The following PLEKHG7 variants were observed in gnomAD, a reference collection of about 807,000 sequenced individuals.
The protein encoded by PLEKHG7 is pleckstrin homology domain-containing family G member 7.
A neutral mutation model predicts 85.2 loss-of-function variants in PLEKHG7; 77 were observed. That is an observed-to-expected ratio of 0.90 (90% CI 0.75 to 1.09). The LOEUF is 1.09. PLEKHG7 is among the 50% of genes least tolerant of loss of function. The probability of loss-of-function intolerance (pLI) is 0.00; values close to 1 mark genes in which losing one functional copy is unlikely to be tolerated. For synonymous variants in PLEKHG7, 301 were observed against 302.4 expected (o/e 1.00, Z 0.05); for missense variants, 777 against 804.3 (o/e 0.97, Z 0.41).
At chr12:92,756,258 A>G (rs1056370474) in intron 12 of PLEKHG7, 40 bp from the exon 13 acceptor site, 4 of 1,447,794 alleles carry the variant, frequency 2.8e-6, no homozygotes, top group Admixed American at 3.4e-5. Context: ...TCTTCCAATC[A>G]CTAACAACAT....
At position 92,754,258 on chromosome 12, in the gene PLEKHG7, T is replaced by G; in HGVS notation, c.1420T>G (p.Ser474Ala). 6.2e-7 allele frequency: 1 copy of G among 1,613,624 alleles called. No individual in the cohort carries two copies. Among genetic ancestry groups the G allele is most frequent in the Non-Finnish European group, 8.5e-7 (1 of 1,179,772 alleles). Residue 474 changes from serine to alanine, a missense_variant, in exon 11 of 17, where the codon TCC becomes GCC. Around this residue, in one of 3 missense-constraint regions of PLEKHG7, gnomAD observed 520 missense variants for 544.0 expected, o/e 0.96. Transcript: ENST00000344636. ...CTCCATCAAGGAAAAGGTGGAAAAG[T>G]CCATCCGTAAGTCCCTGAGATAAGT... is the stretch of plus-strand genomic sequence containing the variant. ...IYSIKEKVEK[S>A]IRDLEGKVKW...
chr12:92,753,978 G>T, intron 10 of PLEKHG7, 112 bp from the exon 11 acceptor site: 5 of 1,051,968 alleles, frequency 4.8e-6, no homozygotes, highest in Non-Finnish European at 6.9e-6. Flanking sequence ...AAACTCACAA[G>T]TAGGTCCTGC....
intron 1 of PLEKHG7, among the ~76,000 whole-genome samples, chr12:92,705,926 C>T (rs1177309022): frequency 1.3e-5 from 2 of 152,148 alleles, no homozygotes; most frequent in African/African-American, 4.8e-5. Flanking sequence ...TCTTTTCAAA[C>T]CTGCAAGTCC....
chr12:92,725,758 A>C (rs1401529957), intron 3 of PLEKHG7, among the ~76,000 whole-genome samples: 3 of 152,232 alleles, frequency 2.0e-5, no homozygotes, highest in Admixed American at 2.0e-4. Context: ...TCTACTATTC[A>C]TAAGTAAAAC....
rs1022335352 is a variant in PLEKHG7 at position 92,706,800 on chromosome 12, C to T, written c.169C>T (p.Arg57Cys). Reference sequence around the variant, plus strand: ...GCCCACTTTGAGGAGATTAAGGACCCGTGGCTGTGGGACAAGGCAGGATGC... The same window carrying T: ...GCCCACTTTGAGGAGATTAAGGACCTGTGGCTGTGGGACAAGGCAGGATGC... The part of the protein sequence containing the change: ...TSPTLRRLRT[R>C]GCGTRQDAWQ... Residue 57 changes from arginine (R) to cysteine (C), a missense_variant, in exon 2 of 17, where the codon CGT becomes TGT. Arg to Cys is a radical substitution (Grantham distance 180). Around this residue, in one of 3 missense-constraint regions of PLEKHG7, gnomAD observed 252 missense variants for 241.9 expected, o/e 1.04. Coordinates refer to ENST00000344636, the MANE Select transcript of PLEKHG7 (RefSeq NM_001377329.1). The T allele has an allele frequency of 2.7e-5, 43 of 1,613,866 alleles. No individual in the cohort carries two copies. The highest frequency in any genetic ancestry group is 3.4e-5 in the Non-Finnish European group (40 of 1,180,042).
intron 3 of PLEKHG7, among the ~76,000 whole-genome samples, chr12:92,716,844 G>A (rs1356824127): frequency 6.6e-6 from 1 of 152,172 alleles, no homozygotes; most frequent in Non-Finnish European, 1.5e-5. Context: ...TGAACCTCTA[G>A]CATCCAGTAC....
intron 3 of PLEKHG7, among the ~76,000 whole-genome samples, chr12:92,709,873 T>G (rs1337189145): frequency 1.3e-5 from 2 of 152,148 alleles, no homozygotes; most frequent in African/African-American, 2.4e-5. Context: ...TGAAACCTCA[T>G]CTCTACTAAA....
intron 9 of PLEKHG7, among the ~76,000 whole-genome samples, chr12:92,744,552 C>T (rs1872468677): frequency 6.6e-6 from 1 of 151,456 alleles, no homozygotes; most frequent in South Asian, 2.1e-4. Flanking sequence ...AAGTTTAAGA[C>T]ATTAAATAAA....
chr12:92,741,341 G>A, intron 8 of PLEKHG7, 150 bp from the exon 9 acceptor site: 1 of 448,366 alleles, frequency 2.2e-6, no homozygotes, highest in Admixed American at 3.9e-5. Context: ...AATATATATT[G>A]GAGAGTGGAG....
chr12:92,741,926 T>G (rs2136606002), intron 9 of PLEKHG7, among the ~76,000 whole-genome samples: 1 of 152,300 alleles, frequency 6.6e-6, no homozygotes, highest in Admixed American at 6.5e-5. Context: ...TTCAGTTGTT[T>G]TAACGAAAGT....
Position 92,745,519 on chromosome 12 carries a change from C to A in PLEKHG7, c.1179C>A (p.Cys393Ter). The change falls in exon 10 of 17, where the codon TGC becomes TGA. Residue 393 changes from cysteine (C) to a stop codon, truncating the protein, a stop_gained. Transcript: ENST00000344636. LOFTEE classifies it high-confidence loss of function. ...TCTGTCAGAGCCACCAGACCTACTG[C>A]CTGAACTATTCAGCTGCTATCTTTT... ...GSLCQSHQTY[C>*]LNYSAAIFYL... 1 of 1,614,014 alleles carries A rather than the reference C, an allele frequency of 6.2e-7. No individual in the cohort carries two copies. The highest frequency in any genetic ancestry group is 8.5e-7 in the Non-Finnish European group (1 of 1,179,896).
At chr12:92,732,316 T>C in intron 5 of PLEKHG7, 43 bp downstream of exon 5, 1 of 1,151,280 alleles carries the variant, frequency 8.7e-7, no homozygotes. Flanking sequence ...TTAAGCTTCC[T>C]GTAGCTAAGA....
chr12:92,721,433 C>A (rs914788886), intron 3 of PLEKHG7: 1 of 1,226,582 alleles, frequency 8.2e-7, no homozygotes. Context: ...AATAAGGAGA[C>A]GTTCTGGTAC....
chr12:92,716,528 C>T (rs1419362374), intron 3 of PLEKHG7, among the ~76,000 whole-genome samples: 1 of 152,228 alleles, frequency 6.6e-6, no homozygotes, highest in East Asian at 1.9e-4. Context: ...TTCCCTCTCT[C>T]ATTCTGTAAT....
intron 4 of PLEKHG7, among the ~76,000 whole-genome samples, chr12:92,729,878 T>C (rs1871933378): frequency 6.6e-6 from 1 of 152,110 alleles, no homozygotes; most frequent in African/African-American, 2.4e-5. Context: ...CTCCAAGGCA[T>C]CCCCAGGAGT....
intron 3 of PLEKHG7, among the ~76,000 whole-genome samples, chr12:92,716,692 C>T (rs953522965): frequency 6.6e-6 from 1 of 152,216 alleles, no homozygotes; most frequent in Admixed American, 6.5e-5. Context: ...ACAGCCAGTA[C>T]ATTTCTCCCT....
chr12:92,761,627 AAAG>A (rs1555196581), intron 13 of PLEKHG7, 122 bp from the exon 14 acceptor site: 47 of 79,354 alleles, frequency 5.9e-4, no homozygotes, highest in Non-Finnish European at 7.6e-4. Context: ...AAGAAAGAAG[AAAG>A]AAAGAAAGAA....
intron 11 of PLEKHG7, 113 bp from the exon 12 acceptor site, chr12:92,755,712 T>G: frequency 1.3e-6 from 1 of 750,264 alleles, no homozygotes. Flanking sequence ...TTATATATTG[T>G]CTGGCTCCAG....
At chr12:92,733,532 C>T (rs983087220) in intron 5 of PLEKHG7, among the ~76,000 whole-genome samples, 5 of 152,174 alleles carry the variant, frequency 3.3e-5, no homozygotes, top group African/African-American at 1.2e-4. Context: ...GCTCATCAGT[C>T]ATTTAGAGAC....
Sources: allele counts gnomAD v4.1 joint callset (sites outside exome capture counted in the v4.1 genomes callset), GRCh38; gene constraint gnomAD v4.1.1; regional missense constraint gnomAD v4.1.1; transcripts MANE v1.5; gene names NCBI Gene and HGNC (gene_info 2026-07-23, HGNC 2026-07-21).